DMD: variants seen among roughly 807,000 people sequenced by gnomAD.
DMD encodes the protein mutant dystrophin.
DMD carries 63 observed loss-of-function variants against 330.1 expected under a neutral mutation model. The ratio of observed to expected loss-of-function variants is 0.19; its 90% confidence interval spans 0.16 to 0.24. The LOEUF (loss-of-function observed/expected upper bound fraction) is 0.24. DMD is among the 10% of genes least tolerant of loss of function. The pLI is 1.00. For missense variants in DMD, 3,344 were observed against 2,684.1 expected (o/e 1.25, Z -5.43); for synonymous variants, 1,223 against 959.8 (o/e 1.27, Z -5.07).
chrX:32,474,473 C>T (rs945046090), intron 21 of DMD, among the ~76,000 whole-genome samples: 8 of 111,747 alleles, frequency 7.2e-5, no homozygotes, highest in Non-Finnish European at 1.5e-4. Context: ...GTTTAAATCC[C>T]CATCAGCAGT....
intron 43 of DMD, among the ~76,000 whole-genome samples, chrX:32,272,618 A>G (rs1311520416): frequency 8.9e-6 from 1 of 111,820 alleles, no homozygotes; most frequent in African/African-American, 3.2e-5. Context: ...GTCACGATAT[A>G]GACTCTGGCA....
intron 43 of DMD, among the ~76,000 whole-genome samples, chrX:32,224,168 ACT>A (rs772516022): frequency 9.0e-6 from 1 of 110,696 alleles, no homozygotes; most frequent in Non-Finnish European, 1.9e-5. Flanking sequence ...TTTCATTTTT[ACT>A]CTCTCAGTGC....
chrX:32,127,661 T>C (rs1390661897), intron 44 of DMD, among the ~76,000 whole-genome samples: 3 of 111,925 alleles, frequency 2.7e-5, no homozygotes, highest in Admixed American at 1.9e-4. Flanking sequence ...TATCCAGCTG[T>C]GTTTATCTCT....
rs1252905257 is a variant in DMD, at chrX:32,411,895, A to G, written c.4090T>C (p.Leu1364=). The stretch of plus-strand genomic sequence containing the variant: ...GCAGACTGGATGCTCTGTTCAAGCA[A>G]CTTTTGCCTCCTTACAGCCTAAAAA... ...LHEEAVRRQK[L]LEQSIQSAQE... is the part of the protein sequence containing the mutation. Residue 1364 remains leucine, a synonymous_variant, in exon 30 of 79, where the codon TTG becomes CTG. Transcript: ENST00000357033. The G allele has an allele frequency of 5.0e-6, 6 of 1,209,127 alleles. No individual in the cohort carries two copies. The highest frequency in any genetic ancestry group is 6.7e-6 in the Non-Finnish European group (6 of 894,931).
chrX:32,548,244 G>A (rs1004786770), intron 16 of DMD, among the ~76,000 whole-genome samples: 2 of 111,543 alleles, frequency 1.8e-5, no homozygotes, highest in Non-Finnish European at 3.8e-5. Context: ...AAATAGGGAC[G>A]ATGATAATCA....
chrX:32,094,430 C>A, intron 44 of DMD, among the ~76,000 whole-genome samples: 1 of 111,994 alleles, frequency 8.9e-6, no homozygotes, highest in Non-Finnish European at 1.9e-5. Flanking sequence ...TATTTTTCTT[C>A]ATTTACAAAT....
At chrX:33,111,938 C>T (rs1343489791) in intron 1 of DMD, among the ~76,000 whole-genome samples, 1 of 111,458 alleles carries the variant, frequency 9.0e-6, no homozygotes, top group Non-Finnish European at 1.9e-5. Context: ...ATAATTCCAA[C>T]AACCATATAA....
chrX:32,835,699 G>C (rs761217119), intron 4 of DMD, among the ~76,000 whole-genome samples: 2 of 111,515 alleles, frequency 1.8e-5, no homozygotes, highest in Non-Finnish European at 3.8e-5. Flanking sequence ...AGAAACTGAG[G>C]AACAGGGTTA....
Position 32,871,560 on chromosome X carries a change from C to T in DMD, c.94-21740G>A, listed in dbSNP as rs745471981. On this transcript the variant is annotated intron_variant, in intron 2 of 78. Coordinates refer to ENST00000357033, the MANE Select transcript of DMD (RefSeq NM_004006.3). The stretch of plus-strand genomic sequence containing the variant: ...GGAATCTATTGATAAGATTAGAGCC[C>T]TGCATTGAAAAATCCTTAGTATATT... 2.7e-5 allele frequency among the ~76,000 whole-genome samples: 3 copies of T among 111,217 alleles called. No individual in the cohort carries two copies. In the Admixed American group the frequency reaches 2.9e-4, roughly 11 times the overall value.
intron 60 of DMD, among the ~76,000 whole-genome samples, chrX:31,393,493 AAAAAAAAAAAACAAAC>A (rs1461128084): frequency 2.3e-5 from 2 of 85,147 alleles, no homozygotes; most frequent in African/African-American, 1.4e-4. Context: ...AAAAAAAAAC[AAAAAAAAAAAACAAAC>A]CCAACTTTTT....
intron 1 of DMD, among the ~76,000 whole-genome samples, chrX:33,060,453 G>T (rs2094568762): frequency 2.7e-5 from 3 of 111,306 alleles, no homozygotes; most frequent in African/African-American, 9.8e-5. Context: ...ATAAATTTTG[G>T]CCGAGCAAAT....
intron 7 of DMD, among the ~76,000 whole-genome samples, chrX:32,732,720 T>G (rs781533091): frequency 5.4e-5 from 6 of 110,314 alleles, no homozygotes; most frequent in South Asian, 7.9e-4. Context: ...GCTGAGAGAT[T>G]TTGTCACCAC....
At chrX:31,415,021 G>A (rs183711454) in intron 60 of DMD, among the ~76,000 whole-genome samples, 1 of 112,186 alleles carries the variant, frequency 8.9e-6, no homozygotes, top group East Asian at 2.8e-4. Context: ...TACCATTTTC[G>A]AAACAATAAG....
rs780623710 is a variant in DMD, at chrX:31,516,675, G to A, written c.8218-9222C>T. On this transcript the variant is annotated intron_variant, in intron 55 of 78. Coordinates refer to ENST00000357033, the MANE Select transcript of DMD (RefSeq NM_004006.3). ...AGTCCACAGGCTTTGCTTTAAAAAC[G>A]GCTGTTATTAAAGTCCTCAGAGACT... Among the ~76,000 whole-genome samples the A allele has an allele frequency of 4.5e-5, 5 of 111,427 alleles. 1 individual carries two copies. The highest frequency in any genetic ancestry group is 8.5e-3 in the Middle Eastern group (2 of 236).
chrX:32,390,299 G>T, intron 30 of DMD, 118 bp from the exon 31 acceptor site: 1 of 575,679 alleles, frequency 1.7e-6, no homozygotes, highest in Non-Finnish European at 2.9e-6. Context: ...CCTTTAAAAT[G>T]ACCGTAAATT....
intron 50 of DMD, among the ~76,000 whole-genome samples, chrX:31,786,018 A>T (rs1906392930): frequency 8.9e-6 from 1 of 112,017 alleles, no homozygotes; most frequent in African/African-American, 3.2e-5. Context: ...TCCTTGAGGA[A>T]TCGCCACACG....
At chrX:33,134,654 C>T (rs188006462) in intron 1 of DMD, among the ~76,000 whole-genome samples, 1 of 112,312 alleles carries the variant, frequency 8.9e-6, no homozygotes, top group African/African-American at 3.2e-5. Context: ...GTCAGCTCGA[C>T]TGACTCTTTC....
intron 49 of DMD, among the ~76,000 whole-genome samples, chrX:31,820,827 G>A (rs903857801): frequency 8.9e-6 from 1 of 111,820 alleles, no homozygotes; most frequent in Non-Finnish European, 1.9e-5. Flanking sequence ...ATATCAACTG[G>A]ATCTCTGATC....
chrX:33,225,625 C>T (rs922829342), intron 1 of DMD, among the ~76,000 whole-genome samples: 19 of 111,162 alleles, frequency 1.7e-4, no homozygotes, highest in African/African-American at 5.2e-4. Flanking sequence ...TTTACAAAAA[C>T]ATACAGGAGA....
Sources: allele counts gnomAD v4.1 joint callset (sites outside exome capture counted in the v4.1 genomes callset), GRCh38; gene constraint gnomAD v4.1.1; transcripts MANE v1.5; gene names NCBI Gene and HGNC (gene_info 2026-07-23, HGNC 2026-07-21).